The following GRK1 variants were observed in gnomAD, a reference collection of about 807,000 sequenced individuals.
GRK1 encodes G protein-coupled receptor kinase 1, also known as rhodopsin kinase GRK1.
In GRK1, 28 loss-of-function variants were observed where a neutral mutation model predicts 41.7. That is an observed-to-expected ratio of 0.67 (90% CI 0.50 to 0.92). The LOEUF (loss-of-function observed/expected upper bound fraction) is 0.92, where lower values mean the gene tolerates loss of function less well. Ranked by LOEUF, GRK1 falls within the 40% of genes least tolerant of loss-of-function variation. The pLI, the probability that GRK1 is intolerant of heterozygous loss-of-function variation, is 0.00. For synonymous variants in GRK1, 327 were observed against 286.7 expected (o/e 1.14, Z -1.42); for missense variants, 703 against 671.2 (o/e 1.05, Z -0.52).
upstream of GRK1, chr13:113,667,014 A>C: frequency 5.5e-6 from 1 of 180,646 alleles, no homozygotes; most frequent in Non-Finnish European, 1.2e-5. The surrounding 1 kb of genome is among the most constrained non-coding windows in gnomAD (Gnocchi z 7.5). Flanking sequence ...GGGCCCCAGA[A>C]GCCTGGTGGT....
chr13:113,734,290 G>C (rs144052103), intron 6 of GRK1, among the ~76,000 whole-genome samples: 2 of 152,150 alleles, frequency 1.3e-5, no homozygotes, highest in African/African-American at 4.8e-5. Context: ...CAGGCCCAGC[G>C]AGGCAAGGAT....
chr13:113,665,480 G>T (rs889166771), upstream of GRK1, among the ~76,000 whole-genome samples: 1 of 150,914 alleles, frequency 6.6e-6, no homozygotes, highest in Non-Finnish European at 1.5e-5. Context: ...TGTGCTCCAA[G>T]TGTGTACCAG....
chr13:113,669,631 G>A, intron 1 of GRK1, 56 bp from the exon 2 acceptor site: 2 of 1,608,694 alleles, frequency 1.2e-6, no homozygotes, highest in Non-Finnish European at 1.7e-6. Context: ...TCTCTGCGAT[G>A]CACCTAGTCC....
At position 113,731,327 on chromosome 13, in the gene GRK1, G is replaced by A. The variant is rs1294164225; in HGVS notation, c.1178G>A (p.Arg393Gln). 2.0e-6 allele frequency: 3 copies of A among 1,536,812 alleles called. No homozygotes were observed. Among genetic ancestry groups the A allele is most frequent in the Admixed American group, 2.0e-5 (1 of 50,972 alleles). ...ATGATTGCGGCCAGAGGACCCTTCCGAGCCCGTGGAGAGAAGGTAGGAGGC... is the reference window on the plus strand; with the variant it reads ...ATGATTGCGGCCAGAGGACCCTTCCAAGCCCGTGGAGAGAAGGTAGGAGGC... ...YEMIAARGPF[R>Q]ARGEKVENKE... Residue 393 changes from arginine to glutamine, a missense_variant, in exon 5 of 7, where the codon CGA becomes CAA. Physicochemically the swap from Arg to Gln is conservative, Grantham distance 43. Transcript: ENST00000335678. This position sits in a 1 kb window ranked among gnomAD's most constrained non-coding sequence, Gnocchi z 5.6.
At chr13:113,728,869 G>A (rs1046774933) in intron 4 of GRK1, among the ~76,000 whole-genome samples, 7 of 152,162 alleles carry the variant, frequency 4.6e-5, no homozygotes, top group Admixed American at 4.6e-4. Flanking sequence ...GGGTCTGCAG[G>A]GAACCACAAA....
chr13:113,664,016 C>G (rs777638110), upstream of GRK1, among the ~76,000 whole-genome samples: 1 of 152,214 alleles, frequency 6.6e-6, no homozygotes, highest in Non-Finnish European at 1.5e-5. This position sits in a 1 kb window ranked among gnomAD's most constrained non-coding sequence, Gnocchi z 5.4. Flanking sequence ...TGGAAACGAT[C>G]CAGCCGTCCT....
chr13:113,734,029 T>C (rs936725182), intron 6 of GRK1, among the ~76,000 whole-genome samples: 56 of 140,850 alleles, frequency 4.0e-4, no homozygotes, highest in South Asian at 6.3e-4. Context: ...TGTGCGTGCG[T>C]GTGCGTATGT....
chr13:113,724,470 T>C (rs1191137542), intron 4 of GRK1, among the ~76,000 whole-genome samples: 1 of 152,214 alleles, frequency 6.6e-6, no homozygotes, highest in Non-Finnish European at 1.5e-5. Flanking sequence ...CCTCCCATGC[T>C]GGTGTTTAGG....
chr13:113,733,712 CGCACGTGTGTGTGCGCGCGTGTGT>C (rs2049962961), intron 6 of GRK1, among the ~76,000 whole-genome samples: 1 of 107,882 alleles, frequency 9.3e-6, no homozygotes, highest in African/African-American at 3.3e-5. Flanking sequence ...TGCGTGTGTG[CGCACGTGTGTGTGCGCGCGTGTGT>C]ATGTGTGCAT....
chr13:113,654,701 C>A, the GRK1 span: 1 of 1,460,282 alleles, frequency 6.8e-7, no homozygotes, highest in Admixed American at 2.4e-5. Flanking sequence ...GCCGGGCTGG[C>A]TTCCCTGGGC....
intron 4 of GRK1, among the ~76,000 whole-genome samples, chr13:113,727,881 T>G (rs371753853): frequency 0.021 from 897 of 43,646 alleles, 37 homozygotes; most frequent in Middle Eastern, 0.048. Context: ...GAGTACCCAT[T>G]GCGATGAGGA....
intron 6 of GRK1, among the ~76,000 whole-genome samples, chr13:113,733,878 CATACGTGTGTGCGTGTGTGTATGTGT>C (rs2049972246): frequency 1.3e-5 from 1 of 78,094 alleles, no homozygotes; most frequent in African/African-American, 8.8e-5. Flanking sequence ...TGCGTGTGTG[CATACGTGTGTGCGTGTGTGTATGTGT>C]GCATACAGTG....
chr13:113,656,610 C>T, the GRK1 span, among the ~76,000 whole-genome samples: 16 of 152,178 alleles, frequency 1.1e-4, no homozygotes, highest in African/African-American at 2.9e-4. Context: ...TGGGGCCGGC[C>T]GGGTGCAGCT....
rs948778097 is a variant in GRK1 at position 113,735,564 on chromosome 13, C to T, written c.*201C>T. 3.6e-5 allele frequency: 19 copies of T among 527,110 alleles called. No homozygotes were observed. The highest frequency in any genetic ancestry group is 1.3e-4 in the African/African-American group (7 of 52,066). The allele number at this position is 527,110 out of a possible 1,614,324, so 32.7% of individuals were successfully genotyped here. On this transcript the variant is annotated 3_prime_UTR_variant, in exon 7 of 7. Coordinates refer to ENST00000335678, the MANE Select transcript of GRK1 (RefSeq NM_002929.3). ...AGCCGCCAGACGCACATGCTGGTGC[C>T]GTGAGCCCCCGACTGCATATTTCAC...
Position 113,671,812 on chromosome 13 carries a change from C to T in GRK1, c.985+156C>T, listed in dbSNP as rs1422964106. On this transcript the variant is annotated intron_variant, in intron 3 of 6. Transcript: ENST00000335678. The surrounding 1 kb of genome is among the most constrained non-coding windows in gnomAD (Gnocchi z 4.1). ...GCTTCGTGGACGGTGGAGGTGTCATCGGGCACCAGGAGTCACAGGAGTGAG... is the reference window on the plus strand; with the variant it reads ...GCTTCGTGGACGGTGGAGGTGTCATTGGGCACCAGGAGTCACAGGAGTGAG... Among the ~76,000 whole-genome samples, 7 of 152,030 alleles carry T rather than the reference C, an allele frequency of 4.6e-5. No individual in the cohort carries two copies. Among genetic ancestry groups the T allele is most frequent in the Admixed American group, 3.3e-4 (5 of 15,268 alleles).
rs926796681 is a variant in GRK1, at chr13:113,671,785, C to T, written c.985+129C>T. 21 of 666,126 alleles carry T rather than the reference C, an allele frequency of 3.2e-5. No homozygotes were observed. Among genetic ancestry groups the T allele is most frequent in the East Asian group, 1.6e-4 (6 of 36,760 alleles). The allele number at this position is 666,126 out of a possible 1,614,324, so 41.3% of individuals were successfully genotyped here. On this transcript the variant is annotated intron_variant, in intron 3 of 6. Transcript: ENST00000335678. The surrounding 1 kb of genome is among the most constrained non-coding windows in gnomAD (Gnocchi z 4.1). ...GACGGTGGGGGTTCATGAGGGCTGACGGCTTCGTGGACGGTGGAGGTGTCA... is the reference window on the plus strand; with the variant it reads ...GACGGTGGGGGTTCATGAGGGCTGATGGCTTCGTGGACGGTGGAGGTGTCA...
rs2050011571 is a variant in GRK1 at position 113,737,331 on chromosome 13, C to T, written c.*1968C>T. 1 of 141,266 alleles carries T rather than the reference C, an allele frequency of 7.1e-6. No homozygotes were observed. Among genetic ancestry groups the T allele is most frequent in the Non-Finnish European group, 1.5e-5 (1 of 65,130 alleles). The allele number at this position is 141,266 out of a possible 1,614,324, so 8.8% of individuals were successfully genotyped here. ...GTGAGGAGCACGTCTTCCCATAGAT[C>T]CCACATCGGCCACACCCTGGGTGAG... On this transcript the variant is annotated 3_prime_UTR_variant, in exon 7 of 7. Transcript: ENST00000335678.
chr13:113,667,167 G>A (rs934469565), upstream of GRK1: 126 of 528,090 alleles, frequency 2.4e-4, 1 homozygote, highest in South Asian at 4.5e-4. This position sits in a 1 kb window ranked among gnomAD's most constrained non-coding sequence, Gnocchi z 7.5. Flanking sequence ...CCGTGACCCC[G>A]GCTGGGATTT....
the GRK1 span, among the ~76,000 whole-genome samples, chr13:113,656,305 C>A: frequency 6.6e-6 from 1 of 152,174 alleles, no homozygotes; most frequent in South Asian, 2.1e-4. Flanking sequence ...TCTCTGTTCC[C>A]CCGCTGTGGG....
Sources: allele counts gnomAD v4.1 joint callset (sites outside exome capture counted in the v4.1 genomes callset), GRCh38; gene constraint gnomAD v4.1.1; non-coding constraint Gnocchi (gnomAD v3.1); transcripts MANE v1.5; gene names NCBI Gene and HGNC (gene_info 2026-07-23, HGNC 2026-07-21).